Variants in VCPIP1 observed in about 807,000 individuals in gnomAD.
VCPIP1 encodes the protein deubiquitinating protein VCPIP1.
In VCPIP1, 8 loss-of-function variants were observed where a neutral mutation model predicts 85.0. The observed-to-expected ratio is 0.09, with a 90% CI of 0.06 to 0.17. The LOEUF is 0.17. Ranked by LOEUF, VCPIP1 falls within the 10% of genes least tolerant of loss-of-function variation. The pLI is 1.00. For missense variants in VCPIP1, 1,070 were observed against 1,486.3 expected, an observed-to-expected ratio of 0.72 and a Z score of 4.61; for synonymous variants, 543 against 544.5, an observed-to-expected ratio of 1.00 and a Z score of 0.04.
At chr8:66,636,292 G>A (rs971498654) in intron 2 of VCPIP1, among the ~76,000 whole-genome samples, 13 of 146,374 alleles carry the variant, frequency 8.9e-5, no homozygotes, top group Non-Finnish European at 1.8e-4. Flanking sequence ...TTGCTACTGA[G>A]ATGCTTTTCC....
At position 66,667,186 on chromosome 8, in the gene VCPIP1, C is replaced by G. The variant is rs1045596614; in HGVS notation, c.-228G>C. Reference sequence around the variant, plus strand: ...CCCGAACGTAACGGCCACCACCCCACCCCGCACTCACACTCACTCACTCTC... The same window carrying G: ...CCCGAACGTAACGGCCACCACCCCAGCCCGCACTCACACTCACTCACTCTC... On this transcript the variant is annotated 5_prime_UTR_variant, in exon 1 of 3. Coordinates refer to ENST00000310421, the MANE Select transcript of VCPIP1 (RefSeq NM_025054.5). The G allele has an allele frequency of 3.5e-6, 3 of 855,542 alleles. No individual in the cohort carries two copies. Among genetic ancestry groups the G allele is most frequent in the African/African-American group, 3.4e-5 (2 of 58,846 alleles). 53.0% of individuals were successfully genotyped at this position (855,542 alleles called of 1,614,324 possible). A position where few individuals can be genotyped will look rare whatever the true frequency, so the allele number is the denominator to read the frequency against.
intron 1 of VCPIP1, among the ~76,000 whole-genome samples, chr8:66,656,987 C>T (rs1811106758): frequency 6.6e-6 from 1 of 152,094 alleles, no homozygotes; most frequent in South Asian, 2.1e-4. Context: ...TTCACTGAAA[C>T]CTCCACTTCC....
chr8:66,652,992 T>C (rs1811067949), intron 1 of VCPIP1, among the ~76,000 whole-genome samples: 1 of 152,238 alleles, frequency 6.6e-6, no homozygotes. Context: ...TTAATCACTA[T>C]GTACTTACAA....
rs368643791 is a variant in VCPIP1 at position 66,664,397 on chromosome 8, T to C, written c.2562A>G (p.Lys854=). 1.9e-6 allele frequency: 3 copies of C among 1,613,712 alleles called. No individual in the cohort carries two copies. The highest frequency in any genetic ancestry group is 2.5e-6 in the Non-Finnish European group (3 of 1,179,710). The change falls in exon 1 of 3, where the codon AAA becomes AAG. Residue 854 remains lysine, a synonymous_variant. Coordinates refer to ENST00000310421, the MANE Select transcript of VCPIP1 (RefSeq NM_025054.5). ...DRITIEILKS[K]AEGGQSAAAH... ...CTGCAGCAGACTGACCACCTTCAGC[T>C]TTACTTTTTAGAATTTCTATTGTAA... is the stretch of plus-strand genomic sequence containing the variant.
At chr8:66,664,045 C>T (rs979551716) in intron 1 of VCPIP1, among the ~76,000 whole-genome samples, 1 of 152,072 alleles carries the variant, frequency 6.6e-6, no homozygotes, top group Non-Finnish European at 1.5e-5. Flanking sequence ...GAGGGACTAC[C>T]TTAACTTTCT....
intron 2 of VCPIP1, among the ~76,000 whole-genome samples, chr8:66,640,137 A>C (rs759526249): frequency 6.6e-6 from 1 of 152,146 alleles, no homozygotes; most frequent in Non-Finnish European, 1.5e-5. Context: ...TATAGAGAAA[A>C]ATTTACCACA....
In VCPIP1 at chr8:66,635,107, G is replaced by A. The variant is rs768637681; in HGVS notation, c.3063C>T (p.Asn1021=). 23 of 1,614,140 alleles carry A rather than the reference G, an allele frequency of 1.4e-5. No homozygotes were observed. Among genetic ancestry groups the A allele is most frequent in the Middle Eastern group, 1.6e-4 (1 of 6,062 alleles). ...GCCCTTTTCCCTGAAAGGCAGTTACGTTATGAAGTTGCTCAGATTTCTTTT... is the reference window on the plus strand; with the variant it reads ...GCCCTTTTCCCTGAAAGGCAGTTACATTATGAAGTTGCTCAGATTTCTTTT... ...VVKKKSEQLH[N]VTAFQGKGHS... Residue 1021 remains asparagine, a synonymous_variant, in exon 3 of 3, where the codon AAC becomes AAT. Coordinates refer to ENST00000310421, the MANE Select transcript of VCPIP1 (RefSeq NM_025054.5).
At chr8:66,656,166 G>T (rs921930098) in intron 1 of VCPIP1, among the ~76,000 whole-genome samples, 10 of 152,072 alleles carry the variant, frequency 6.6e-5, no homozygotes, top group African/African-American at 2.2e-4. Context: ...AAAAGTTTAA[G>T]AGGTCACCAT....
At chr8:66,657,062 C>T (rs992122010) in intron 1 of VCPIP1, among the ~76,000 whole-genome samples, 3 of 151,958 alleles carry the variant, frequency 2.0e-5, no homozygotes, top group African/African-American at 7.3e-5. Context: ...TGCGCCACCA[C>T]TCCCGGCTAA....
intron 2 of VCPIP1, among the ~76,000 whole-genome samples, chr8:66,649,261 A>C (rs940761521): frequency 6.6e-6 from 1 of 152,036 alleles, no homozygotes; most frequent in African/African-American, 2.4e-5. Flanking sequence ...TTGTAATCCT[A>C]GCACTTTGGG....
chr8:66,638,360 G>A (rs1284857325), intron 2 of VCPIP1, among the ~76,000 whole-genome samples: 1 of 151,724 alleles, frequency 6.6e-6, no homozygotes, highest in African/African-American at 2.4e-5. Context: ...AGTGGCATAT[G>A]CCTGTAGTCC....
chr8:66,634,769 G>C lies in VCPIP1; in HGVS notation c.3401C>G (p.Ser1134Cys), dbSNP rs1810867748. The change falls in exon 3 of 3, where the codon TCT (serine) becomes TGT (cysteine). Residue 1134 changes from serine (S) to cysteine (C), a missense_variant. Ser to Cys is a moderately radical substitution (Grantham distance 112, BLOSUM62 -1). Around this residue, in one of 8 missense-constraint regions of VCPIP1, gnomAD observed 255 missense variants for 289.5 expected, o/e 0.88. Transcript: ENST00000310421. ...TTCTGTTTTCCTTTGAGGAAGATCA[G>C]ATGGTGACTGCTCTGTACTTTGATC... is the stretch of plus-strand genomic sequence containing the variant. ...LRDQSTEQSP[S>C]DLPQRKTEVV... is the part of the protein sequence containing the mutation. 6.2e-7 allele frequency: 1 copy of C among 1,614,122 alleles called. No homozygotes were observed. Among genetic ancestry groups the C allele is most frequent in the Non-Finnish European group, 8.5e-7 (1 of 1,180,046 alleles).
At chr8:66,653,590 C>T (rs772867482) in intron 1 of VCPIP1, 2 of 152,172 alleles carry the variant, frequency 1.3e-5, no homozygotes, top group Non-Finnish European at 2.9e-5. Context: ...ACAAAAACCA[C>T]AAGAATGAAT....
In VCPIP1 at chr8:66,665,656, C is replaced by A. The variant is rs373139446; in HGVS notation, c.1303G>T (p.Val435Phe). 2 of 1,614,196 alleles carry A rather than the reference C, an allele frequency of 1.2e-6. No homozygotes were observed. Among genetic ancestry groups the A allele is most frequent in the Non-Finnish European group, 1.7e-6 (2 of 1,180,028 alleles). Reference sequence around the variant, plus strand: ...GTCCTTCTGTAGAAATACTGATGGACATCAGCAACCAAACTAGGATGGATA... The same window carrying A: ...GTCCTTCTGTAGAAATACTGATGGAAATCAGCAACCAAACTAGGATGGATA... The part of the protein sequence containing the change: ...HGIHPSLVAD[V>F]HQYFYRRTGV... The change falls in exon 1 of 3, where the codon GTC becomes TTC. Residue 435 changes from valine to phenylalanine, a missense_variant. By Grantham distance (50) the Val-to-Phe change is conservative. Transcript: ENST00000310421. The surrounding 1 kb of genome is among the most constrained non-coding windows in gnomAD (Gnocchi z 4.3).
In VCPIP1 at chr8:66,664,794, T is replaced by C; in HGVS notation, c.2165A>G (p.Glu722Gly). 2 of 1,612,164 alleles carry C rather than the reference T, an allele frequency of 1.2e-6. No individual in the cohort carries two copies. The highest frequency in any genetic ancestry group is 1.7e-6 in the Non-Finnish European group (2 of 1,179,430). ...TERTIQQNIT[E>G]QASVMQKRKT... ...CCGTTTCTGCATTACAGAAGCCTGTTCCGTAATATTCTGTTGAATAGTTCT... is the reference window on the plus strand; with the variant it reads ...CCGTTTCTGCATTACAGAAGCCTGTCCCGTAATATTCTGTTGAATAGTTCT... Residue 722 changes from glutamate to glycine, a missense_variant, in exon 1 of 3, where the codon GAA becomes GGA. By Grantham distance (98) the Glu-to-Gly change is moderately conservative. Transcript: ENST00000310421.
rs1554584185 is a variant in VCPIP1 at position 66,638,970 on chromosome 8, C to CTATATATATATATATATATA, written c.2798-3599_2798-3598insTATATATATATATATATATA. ...TCTCTCTCTCTCTCTCTCTCTCTCT[C>CTATATATATATATATATATA]TATATATATATATATACATATATTT... On this transcript the variant is annotated intron_variant, in intron 2 of 2. Coordinates refer to ENST00000310421, the MANE Select transcript of VCPIP1 (RefSeq NM_025054.5). Among the ~76,000 whole-genome samples the CTATATATATATATATATATA allele has an allele frequency of 4.2e-5, 5 of 118,420 alleles. 1 individual carries two copies. Among genetic ancestry groups the CTATATATATATATATATATA allele is most frequent in the African/African-American group, 1.6e-4 (4 of 25,676 alleles). The allele number at this position is 118,420 out of a possible 152,430, so 77.7% of individuals were successfully genotyped here.
intron 2 of VCPIP1, among the ~76,000 whole-genome samples, chr8:66,650,552 T>G (rs1811042069): frequency 6.6e-6 from 1 of 152,124 alleles, no homozygotes. Flanking sequence ...AAGTCTATCT[T>G]TACAAACAAT....
At chr8:66,654,739 G>A (rs1384553706) in intron 1 of VCPIP1, among the ~76,000 whole-genome samples, 1 of 152,078 alleles carries the variant, frequency 6.6e-6, no homozygotes, top group East Asian at 1.9e-4. Flanking sequence ...CCCTCCTAAC[G>A]CCCAGGTTCA....
Position 66,664,368 on chromosome 8 carries a change from T to G in VCPIP1, c.2591A>C (p.His864Pro). The G allele has an allele frequency of 1.9e-6, 3 of 1,613,826 alleles. No homozygotes were observed. The highest frequency in any genetic ancestry group is 2.5e-6 in the Non-Finnish European group (3 of 1,179,740). Residue 864 changes from histidine to proline, a missense_variant, in exon 1 of 3, where the codon CAC becomes CCC. Physicochemically the swap from His to Pro is moderately conservative, Grantham distance 77. Transcript: ENST00000310421. ...KAEGGQSAAA[H>P]SAHTVKQEDI... ...TTCTTGTTTCACAGTGTGGGCTGAG[T>G]GTGCTGCAGCAGACTGACCACCTTC...
Sources: allele counts gnomAD v4.1 joint callset (sites outside exome capture counted in the v4.1 genomes callset), GRCh38; gene constraint gnomAD v4.1.1; regional missense constraint gnomAD v4.1.1; non-coding constraint Gnocchi (gnomAD v3.1); transcripts MANE v1.5; gene names NCBI Gene and HGNC (gene_info 2026-07-23, HGNC 2026-07-21).